GRID1: variants seen among roughly 807,000 people sequenced by gnomAD.
The protein encoded by GRID1 is glutamate ionotropic receptor delta type subunit 1.
Under a neutral mutation model 98.0 loss-of-function variants are expected in GRID1, and 28 were observed. The observed-to-expected ratio is 0.29, with a 90% CI of 0.21 to 0.39. The LOEUF (loss-of-function observed/expected upper bound fraction) is 0.39. Among genes scored for constraint, GRID1 ranks in the 10% least tolerant of loss-of-function variants. GRID1 has a pLI of 1.00. For synonymous variants in GRID1, 553 were observed against 538.5 expected, an observed-to-expected ratio of 1.03 and a Z score of -0.37; for missense variants, 1,111 against 1,340.5, an observed-to-expected ratio of 0.83 and a Z score of 2.67.
chr10:85,844,463 AC>A, intron 8 of GRID1, among the ~76,000 whole-genome samples: 1 of 148,408 alleles, frequency 6.7e-6, no homozygotes, highest in Non-Finnish European at 1.5e-5. Flanking sequence ...ACACACACAC[AC>A]ACAAATGAAA....
chr10:85,910,745 G>A (rs1841526140), intron 5 of GRID1, among the ~76,000 whole-genome samples: 1 of 152,178 alleles, frequency 6.6e-6, no homozygotes. Context: ...GAACTTTAGG[G>A]AACCTCAGAG....
At chr10:86,162,140 A>T (rs1845331958) in intron 3 of GRID1, among the ~76,000 whole-genome samples, 1 of 152,124 alleles carries the variant, frequency 6.6e-6, no homozygotes, top group Admixed American at 6.5e-5. Flanking sequence ...AATATGTATA[A>T]ATGTGTCCTG....
rs190958139 is a variant in GRID1, at chr10:86,358,487, G to A, written c.235+5454C>T. Among the ~76,000 whole-genome samples the A allele has an allele frequency of 1.9e-3, 291 of 152,176 alleles. 2 individuals are homozygous for A. The highest frequency in any genetic ancestry group is 2.5e-3 in the South Asian group (12 of 4,814). On this transcript the variant is annotated intron_variant, in intron 2 of 15. Coordinates refer to ENST00000327946, the MANE Select transcript of GRID1 (RefSeq NM_017551.3). The stretch of plus-strand genomic sequence containing the variant: ...CCTTAAAATAGGGAGGGCCGGGCAC[G>A]GTGGCTCACATCTGTAATCCCAGCA...
intron 12 of GRID1, among the ~76,000 whole-genome samples, chr10:85,694,855 G>C (rs1362260189): frequency 6.6e-6 from 1 of 151,570 alleles, no homozygotes; most frequent in Admixed American, 6.6e-5. Flanking sequence ...TACTTAATGG[G>C]TACAATGTAC....
At chr10:85,887,122 G>A (rs757694610) in intron 5 of GRID1, among the ~76,000 whole-genome samples, 3 of 152,176 alleles carry the variant, frequency 2.0e-5, no homozygotes, top group Non-Finnish European at 4.4e-5. Flanking sequence ...CAATAAAGAC[G>A]TGATGACAGA....
At chr10:85,705,860 C>A (rs540839988) in intron 12 of GRID1, among the ~76,000 whole-genome samples, 2 of 152,222 alleles carry the variant, frequency 1.3e-5, no homozygotes, top group East Asian at 1.9e-4. Flanking sequence ...AAGACAAAAA[C>A]CACATGATTA....
intron 12 of GRID1, among the ~76,000 whole-genome samples, chr10:85,716,695 A>G (rs889301326): frequency 2.7e-5 from 4 of 148,408 alleles, no homozygotes; most frequent in Non-Finnish European, 5.9e-5. Flanking sequence ...TATTATATAT[A>G]CATATATAAT....
At chr10:85,738,439 C>T (rs1236974663) in intron 8 of GRID1, among the ~76,000 whole-genome samples, 1 of 152,174 alleles carries the variant, frequency 6.6e-6, no homozygotes, top group Admixed American at 6.5e-5. Flanking sequence ...GAAGACACTT[C>T]GGCAATTTCC....
chr10:86,237,690 A>C (rs1846562585), intron 2 of GRID1, among the ~76,000 whole-genome samples: 2 of 141,626 alleles, frequency 1.4e-5, no homozygotes, highest in East Asian at 2.1e-4. Flanking sequence ...ACAGAGCGAG[A>C]CTCTGTCTCA....
At chr10:85,868,938 T>C in intron 6 of GRID1, 72 bp downstream of exon 6, 6 of 1,332,152 alleles carry the variant, frequency 4.5e-6, no homozygotes. Flanking sequence ...GGCCCCCACA[T>C]GTCTCCCTTG....
chr10:85,886,267 G>C lies in GRID1; in HGVS notation c.781-17087C>G, dbSNP rs540782911. Among the ~76,000 whole-genome samples, 3 of 152,274 alleles carry C rather than the reference G, an allele frequency of 2.0e-5. No individual in the cohort carries two copies. The South Asian group carries it at 6.2e-4, about 32-fold the overall frequency. On this transcript the variant is annotated intron_variant, in intron 5 of 15. Transcript: ENST00000327946. ...GAGTCCTGAGCAGAGTCCACTTGAG[G>C]GCCAGTCCATCACACTGCAAAGATC...
At chr10:85,726,765 G>A (rs148184559) in intron 10 of GRID1, among the ~76,000 whole-genome samples, 3 of 152,272 alleles carry the variant, frequency 2.0e-5, no homozygotes, top group South Asian at 2.1e-4. Context: ...GGCTGGGGGT[G>A]GGAATGGCAT....
At chr10:85,967,836 C>T (rs1323445861) in intron 4 of GRID1, among the ~76,000 whole-genome samples, 1 of 152,068 alleles carries the variant, frequency 6.6e-6, no homozygotes, top group Non-Finnish European at 1.5e-5. Context: ...CAGCAGAGAC[C>T]ATGGTGGCCA....
intron 5 of GRID1, among the ~76,000 whole-genome samples, chr10:85,884,191 C>A (rs1043691385): frequency 6.6e-6 from 1 of 152,066 alleles, no homozygotes; most frequent in African/African-American, 2.4e-5. Context: ...TGTATTATAT[C>A]TGGCTTTTTT....
intron 2 of GRID1, among the ~76,000 whole-genome samples, chr10:86,319,078 C>T (rs113229496): frequency 1.8e-3 from 274 of 152,116 alleles, no homozygotes; most frequent in African/African-American, 6.0e-3. Context: ...GGGAGTGCAA[C>T]GACTCTGAGG....
At chr10:86,004,740 T>A (rs7086543) in intron 4 of GRID1, among the ~76,000 whole-genome samples, 8 of 94,322 alleles carry the variant, frequency 8.5e-5, no homozygotes, top group Non-Finnish European at 1.3e-4. Context: ...ACACACACAC[T>A]CACACACACA....
chr10:86,341,634 G>GACACATTTCACAACACCACA (rs1848312659), intron 2 of GRID1, among the ~76,000 whole-genome samples: 2 of 151,942 alleles, frequency 1.3e-5, no homozygotes, highest in Non-Finnish European at 2.9e-5. Flanking sequence ...ACAAAACCAC[G>GACACATTTCACAACACCACA]GACACATTTC....
chr10:86,208,472 A>G (rs910336374), intron 2 of GRID1, among the ~76,000 whole-genome samples: 29 of 151,988 alleles, frequency 1.9e-4, no homozygotes, highest in African/African-American at 6.5e-4. Flanking sequence ...GCAAGCTCCC[A>G]TACCTGCAGC....
At chr10:86,256,467 A>T (rs1846919238) in intron 2 of GRID1, among the ~76,000 whole-genome samples, 1 of 152,102 alleles carries the variant, frequency 6.6e-6, no homozygotes, top group Non-Finnish European at 1.5e-5. Flanking sequence ...CCTGTCTCTA[A>T]ATAATTAATT....
Sources: allele counts gnomAD v4.1 joint callset (sites outside exome capture counted in the v4.1 genomes callset), GRCh38; gene constraint gnomAD v4.1.1; transcripts MANE v1.5; gene names NCBI Gene and HGNC (gene_info 2026-07-23, HGNC 2026-07-21).